The following SLC16A12 variants were observed in gnomAD, a reference collection of about 807,000 sequenced individuals.
SLC16A12 encodes monocarboxylate transporter 12.
Under a neutral mutation model 42.4 loss-of-function variants are expected in SLC16A12, and 17 were observed. The observed-to-expected ratio is 0.40, with a 90% CI of 0.27 to 0.60. SLC16A12 has a LOEUF of 0.60. SLC16A12 is among the 20% of genes least tolerant of loss of function. The pLI is 0.42. For synonymous variants in SLC16A12, 224 were observed against 229.4 expected, an observed-to-expected ratio of 0.98 and a Z score of 0.21; for missense variants, 544 against 623.0, an observed-to-expected ratio of 0.87 and a Z score of 1.35.
At chr10:89,535,773 TC>T (rs1843648631), upstream of SLC16A12, among the ~76,000 whole-genome samples, 1 of 151,916 alleles carries the variant, frequency 6.6e-6, no homozygotes, top group South Asian at 2.1e-4. Flanking sequence ...AGTGGCCCCT[TC>T]CCGGGCCCCA....
chr10:89,457,009 T>C (rs1202094244), intron 3 of SLC16A12, among the ~76,000 whole-genome samples: 1 of 152,236 alleles, frequency 6.6e-6, no homozygotes. Flanking sequence ...AGGGCAGCAC[T>C]GAACATACGT....
intron 2 of SLC16A12, among the ~76,000 whole-genome samples, chr10:89,469,006 G>A (rs1040196649): frequency 4.6e-5 from 7 of 152,060 alleles, no homozygotes; most frequent in African/African-American, 7.2e-5. Flanking sequence ...GGTGCATGCC[G>A]TAATCCCAGC....
intron 2 of SLC16A12, among the ~76,000 whole-genome samples, chr10:89,502,521 T>G (rs1191526825): frequency 6.6e-6 from 1 of 152,176 alleles, no homozygotes; most frequent in South Asian, 2.1e-4. Context: ...AGATCTTGCA[T>G]GCATTCACCT....
chr10:89,502,274 C>A (rs1843000442), intron 2 of SLC16A12, among the ~76,000 whole-genome samples: 1 of 151,920 alleles, frequency 6.6e-6, no homozygotes, highest in Non-Finnish European at 1.5e-5. Context: ...CATGGTGAAA[C>A]CCCGTCTCTA....
chr10:89,514,088 G>T (rs1185001964), intron 2 of SLC16A12, among the ~76,000 whole-genome samples: 1 of 152,164 alleles, frequency 6.6e-6, no homozygotes, highest in Non-Finnish European at 1.5e-5. Flanking sequence ...CCTGCTAAAT[G>T]GCGGATTCAG....
upstream of SLC16A12, among the ~76,000 whole-genome samples, chr10:89,537,777 G>T (rs1451837046): frequency 6.6e-6 from 1 of 152,198 alleles, no homozygotes; most frequent in African/African-American, 2.4e-5. Context: ...CTAGGACACC[G>T]CACAAGGCTT....
intron 2 of SLC16A12, among the ~76,000 whole-genome samples, chr10:89,473,319 C>T (rs771018640): frequency 3.3e-5 from 5 of 151,712 alleles, no homozygotes; most frequent in African/African-American, 7.3e-5. Context: ...ATTAGTGGAA[C>T]GGAATAGAAA....
At chr10:89,454,732 T>C (rs1842157803) in intron 3 of SLC16A12, among the ~76,000 whole-genome samples, 1 of 152,128 alleles carries the variant, frequency 6.6e-6, no homozygotes, top group Non-Finnish European at 1.5e-5. Context: ...AAGGTTTCCC[T>C]GACCACTCAA....
At chr10:89,449,912 GA>G (rs1332757587) in intron 3 of SLC16A12, among the ~76,000 whole-genome samples, 1 of 151,972 alleles carries the variant, frequency 6.6e-6, no homozygotes, top group Admixed American at 6.6e-5. Context: ...AAATTTACAA[GA>G]AAAAAATCAA....
At chr10:89,452,060 A>G (rs1031194461) in intron 3 of SLC16A12, among the ~76,000 whole-genome samples, 1 of 152,270 alleles carries the variant, frequency 6.6e-6, no homozygotes, top group African/African-American at 2.4e-5. Flanking sequence ...AAGGATTTCT[A>G]TCATATCCTT....
intron 2 of SLC16A12, among the ~76,000 whole-genome samples, chr10:89,503,774 G>A (rs957723475): frequency 6.6e-6 from 1 of 152,088 alleles, no homozygotes; most frequent in Non-Finnish European, 1.5e-5. Context: ...ATACAATTTG[G>A]GCCACAGAGG....
rs552897540 is a variant in SLC16A12, at chr10:89,432,916, C to T, written c.*148G>A. ...CTTTCCTTATTATGTGCTGTTTTCCCTTATAAATATTAATATGTTAACAAA... is the reference window on the plus strand; with the variant it reads ...CTTTCCTTATTATGTGCTGTTTTCCTTTATAAATATTAATATGTTAACAAA... On this transcript the variant is annotated 3_prime_UTR_variant, in exon 8 of 8. Transcript: ENST00000371790. 2.2e-4 allele frequency: 248 copies of T among 1,146,648 alleles called. 5 individuals carry two copies. In the South Asian group the frequency reaches 2.5e-3, roughly 11 times the overall value. The allele number at this position is 1,146,648 out of a possible 1,614,324, so 71.0% of individuals were successfully genotyped here. A position where few individuals can be genotyped will look rare whatever the true frequency, so the allele number is the denominator to read the frequency against.
chr10:89,455,254 T>C (rs1373390684), intron 3 of SLC16A12, among the ~76,000 whole-genome samples: 1 of 152,140 alleles, frequency 6.6e-6, no homozygotes. Context: ...GATGATATTT[T>C]CAAATTATAA....
intron 3 of SLC16A12, among the ~76,000 whole-genome samples, chr10:89,453,780 G>A (rs929102470): frequency 1.3e-5 from 2 of 152,080 alleles, no homozygotes; most frequent in African/African-American, 4.8e-5. Context: ...GCTTCTCAGT[G>A]GAAGCACTAT....
At chr10:89,520,159 C>T (rs1398675568) in intron 2 of SLC16A12, among the ~76,000 whole-genome samples, 1 of 151,944 alleles carries the variant, frequency 6.6e-6, no homozygotes, top group Admixed American at 6.6e-5. Context: ...TCTCAAATAG[C>T]ACTACAAGTA....
chr10:89,453,724 G>A (rs193046806), intron 3 of SLC16A12, among the ~76,000 whole-genome samples: 5 of 152,114 alleles, frequency 3.3e-5, no homozygotes, highest in East Asian at 1.9e-4. Context: ...ACACGTCCCC[G>A]TCATTAAGCA....
upstream of SLC16A12, among the ~76,000 whole-genome samples, chr10:89,539,894 TTTCTTTCTTTCTTTC>T (rs1173561852): frequency 4.7e-5 from 7 of 147,418 alleles, no homozygotes; most frequent in African/African-American, 1.8e-4. Context: ...TCTTTCTTTC[TTTCTTTCTTTCTTTC>T]TTTTTTCTTT....
intron 2 of SLC16A12, among the ~76,000 whole-genome samples, chr10:89,467,867 T>C (rs1033659137): frequency 2.0e-5 from 3 of 152,170 alleles, no homozygotes; most frequent in African/African-American, 7.2e-5. Flanking sequence ...TTTATTGATA[T>C]GGCACATTGA....
intron 2 of SLC16A12, among the ~76,000 whole-genome samples, chr10:89,493,802 G>A (rs970601202): frequency 2.0e-5 from 3 of 152,138 alleles, no homozygotes; most frequent in African/African-American, 4.8e-5. Flanking sequence ...AAATGGGCCA[G>A]GAGCTGTGTC....
Sources: allele counts gnomAD v4.1 joint callset (sites outside exome capture counted in the v4.1 genomes callset), GRCh38; gene constraint gnomAD v4.1.1; transcripts MANE v1.5; gene names NCBI Gene and HGNC (gene_info 2026-07-23, HGNC 2026-07-21).